The following MYCT1 variants were observed in gnomAD, a reference collection of about 807,000 sequenced individuals.
The protein encoded by MYCT1 is myc target protein 1.
A neutral mutation model predicts 15.0 loss-of-function variants in MYCT1; 12 were observed. The ratio of observed to expected loss-of-function variants is 0.80; its 90% CI spans 0.51 to 1.29. The LOEUF (loss-of-function observed/expected upper bound fraction) is 1.29, where lower values mean the gene tolerates loss of function less well. Among genes scored for constraint, MYCT1 ranks in the 50% most tolerant of loss-of-function variants. The probability of loss-of-function intolerance (pLI) is 0.00; values close to 1 mark genes in which losing one functional copy is unlikely to be tolerated. For missense variants in MYCT1, 287 were observed against 279.1 expected (o/e 1.03, Z -0.20); for synonymous variants, 104 against 102.7 (o/e 1.01, Z -0.07).
intron 1 of MYCT1, among the ~76,000 whole-genome samples, chr6:152,706,428 G>T (rs2099722267): frequency 6.6e-6 from 1 of 152,088 alleles, no homozygotes; most frequent in African/African-American, 2.4e-5. Context: ...AACTTAAATC[G>T]CTGAGGTATT....
the MYCT1 span, among the ~76,000 whole-genome samples, chr6:152,741,989 A>T: frequency 2.6e-5 from 4 of 152,220 alleles, no homozygotes; most frequent in Non-Finnish European, 5.9e-5. Flanking sequence ...AAAGTTTTTT[A>T]AAAAGACTTG....
intron 1 of MYCT1, among the ~76,000 whole-genome samples, chr6:152,709,036 A>G: frequency 5.3e-5 from 1 of 18,998 alleles, no homozygotes; most frequent in South Asian, 2.7e-3. Flanking sequence ...CAGTCCCCAG[A>G]GTGTGATATT....
At chr6:152,741,479 G>T in the MYCT1 span, among the ~76,000 whole-genome samples, 1 of 152,050 alleles carries the variant, frequency 6.6e-6, no homozygotes, top group East Asian at 1.9e-4. Context: ...AATGTACCAG[G>T]TATTGGGGAT....
the MYCT1 span, among the ~76,000 whole-genome samples, chr6:152,731,406 A>G: frequency 6.6e-5 from 10 of 152,260 alleles, no homozygotes; most frequent in African/African-American, 2.4e-4. Context: ...GTTCTAGGGT[A>G]CATGTGCACA....
the MYCT1 span, among the ~76,000 whole-genome samples, chr6:152,744,672 C>G: frequency 6.6e-6 from 1 of 152,180 alleles, no homozygotes; most frequent in Non-Finnish European, 1.5e-5. Context: ...ACCCAGAACT[C>G]TCTTTCCCTC....
chr6:152,733,144 C>T, the MYCT1 span, among the ~76,000 whole-genome samples: 1 of 151,744 alleles, frequency 6.6e-6, no homozygotes, highest in Non-Finnish European at 1.5e-5. Flanking sequence ...CACTCTGTCA[C>T]CCAGGTTGGA....
At chr6:152,726,698 A>G (rs1335693155), downstream of MYCT1, among the ~76,000 whole-genome samples, 1 of 152,074 alleles carries the variant, frequency 6.6e-6, no homozygotes, top group Non-Finnish European at 1.5e-5. Flanking sequence ...TGTCAGGTCA[A>G]CCAGCTATCT....
chr6:152,746,272 G>A, the MYCT1 span, among the ~76,000 whole-genome samples: 2 of 152,164 alleles, frequency 1.3e-5, no homozygotes, highest in Non-Finnish European at 2.9e-5. Flanking sequence ...CCCGGCAGAC[G>A]CCTGAAACCA....
the MYCT1 span, among the ~76,000 whole-genome samples, chr6:152,732,957 G>A: frequency 6.6e-6 from 1 of 152,150 alleles, no homozygotes; most frequent in African/African-American, 2.4e-5. Context: ...CATACACATG[G>A]CCCTTCACAT....
chr6:152,725,529 G>T (rs149407656), downstream of MYCT1, among the ~76,000 whole-genome samples: 1 of 152,050 alleles, frequency 6.6e-6, no homozygotes, highest in Non-Finnish European at 1.5e-5. Context: ...CAAGAGATCC[G>T]CCCACCTCAG....
At chr6:152,734,966 C>T in the MYCT1 span, among the ~76,000 whole-genome samples, 6 of 152,242 alleles carry the variant, frequency 3.9e-5, no homozygotes, top group East Asian at 1.2e-3. Flanking sequence ...TAAAATAAAA[C>T]AACATATGCC....
chr6:152,739,303 C>A, the MYCT1 span, among the ~76,000 whole-genome samples: 2 of 151,136 alleles, frequency 1.3e-5, no homozygotes, highest in Admixed American at 6.6e-5. Flanking sequence ...AATAGTATAC[C>A]TTTTCACAAT....
At chr6:152,726,643 A>AT (rs1037119420), downstream of MYCT1, among the ~76,000 whole-genome samples, 13 of 151,930 alleles carry the variant, frequency 8.6e-5, no homozygotes, top group East Asian at 2.5e-3. Flanking sequence ...GTCCTTTTTT[A>AT]TTTTTTTCGT....
At chr6:152,717,877 A>G (rs1412183422) in intron 1 of MYCT1, among the ~76,000 whole-genome samples, 12 of 152,282 alleles carry the variant, frequency 7.9e-5, no homozygotes, top group African/African-American at 2.9e-4. Context: ...TGTAATTTGT[A>G]TAATTTCCGT....
rs139870339 is a variant in MYCT1 at position 152,698,426 on chromosome 6, G to A, written c.196+328G>A. Among the ~76,000 whole-genome samples the A allele has an allele frequency of 3.2e-3, 487 of 152,118 alleles. 4 individuals carry two copies. Among genetic ancestry groups the A allele is most frequent in the African/African-American group, 0.011 (448 of 41,538 alleles). On this transcript the variant is annotated intron_variant, in intron 1 of 1. Transcript: ENST00000367245. Reference sequence around the variant, plus strand: ...AGGATAAAAATAAAAAACATAAGGTGGAGGTAATTCCTGCTTAGAATATGG... The same window carrying A: ...AGGATAAAAATAAAAAACATAAGGTAGAGGTAATTCCTGCTTAGAATATGG...
At chr6:152,713,493 G>T (rs1244795323) in intron 1 of MYCT1, among the ~76,000 whole-genome samples, 1 of 152,018 alleles carries the variant, frequency 6.6e-6, no homozygotes, top group African/African-American at 2.4e-5. Flanking sequence ...AATGGATTCT[G>T]CTATATTACC....
the MYCT1 span, among the ~76,000 whole-genome samples, chr6:152,733,783 G>A: frequency 1.3e-5 from 2 of 152,142 alleles, no homozygotes; most frequent in South Asian, 2.1e-4. Context: ...TGTCACTAAG[G>A]TCTCTGTTCT....
At chr6:152,714,789 AAC>A (rs944980887) in intron 1 of MYCT1, among the ~76,000 whole-genome samples, 1 of 151,374 alleles carries the variant, frequency 6.6e-6, no homozygotes, top group Non-Finnish European at 1.5e-5. Context: ...TATTATTTAT[AAC>A]ACATATATAT....
At chr6:152,728,775 G>A (rs981554433), downstream of MYCT1, among the ~76,000 whole-genome samples, 6 of 152,160 alleles carry the variant, frequency 3.9e-5, no homozygotes, top group East Asian at 1.9e-4. Flanking sequence ...CCAGCTACTC[G>A]GGAGGCTGTA....
Sources: allele counts gnomAD v4.1 joint callset (sites outside exome capture counted in the v4.1 genomes callset), GRCh38; gene constraint gnomAD v4.1.1; transcripts MANE v1.5; gene names NCBI Gene and HGNC (gene_info 2026-07-23, HGNC 2026-07-21).